The following FUT8 variants were observed in gnomAD, a reference collection of about 807,000 sequenced individuals.
FUT8 encodes alpha-(1,6)-fucosyltransferase.
A neutral mutation model predicts 71.3 loss-of-function variants in FUT8; 29 were observed. That is an observed-to-expected ratio of 0.41 (90% confidence interval 0.30 to 0.55). FUT8 has a LOEUF of 0.55. Among genes scored for constraint, FUT8 ranks in the 20% least tolerant of loss-of-function variants. The pLI, the probability that FUT8 is intolerant of heterozygous loss-of-function variation, is 0.34. For synonymous variants in FUT8, 254 were observed against 239.3 expected, an observed-to-expected ratio of 1.06 and a Z score of -0.57; for missense variants, 544 against 702.1, an observed-to-expected ratio of 0.77 and a Z score of 2.55.
the FUT8 span, among the ~76,000 whole-genome samples, chr14:65,362,236 C>T: frequency 4.6e-5 from 7 of 152,144 alleles, no homozygotes; most frequent in South Asian, 4.1e-4. Flanking sequence ...TGAAATAGTC[C>T]CTGTCAACAA....
At chr14:65,666,084 T>A (rs577595811) in intron 6 of FUT8, among the ~76,000 whole-genome samples, 46 of 147,514 alleles carry the variant, frequency 3.1e-4, no homozygotes, top group Admixed American at 6.8e-4. Flanking sequence ...ACTTAAAATT[T>A]AAAAAAAAAA....
At chr14:65,420,688 G>A (rs1289910994) in intron 1 of FUT8, among the ~76,000 whole-genome samples, 5 of 151,914 alleles carry the variant, frequency 3.3e-5, no homozygotes, top group Admixed American at 6.6e-5. Flanking sequence ...TTTTCAGCAC[G>A]TATAGTTCAC....
At chr14:65,634,511 T>C (rs1008031931) in intron 6 of FUT8, among the ~76,000 whole-genome samples, 14 of 146,734 alleles carry the variant, frequency 9.5e-5, no homozygotes, top group African/African-American at 3.5e-4. Context: ...ACTATTGTCC[T>C]ATGACCCTGC....
At chr14:65,592,175 T>G (rs1486295287) in intron 3 of FUT8, among the ~76,000 whole-genome samples, 1 of 152,160 alleles carries the variant, frequency 6.6e-6, no homozygotes, top group Non-Finnish European at 1.5e-5. Context: ...TTTGGATATA[T>G]ATGAGAGCTT....
intron 2 of FUT8, among the ~76,000 whole-genome samples, chr14:65,527,216 T>C (rs1350184562): frequency 6.6e-6 from 1 of 152,242 alleles, no homozygotes; most frequent in Admixed American, 6.5e-5. Flanking sequence ...GACGTAGATT[T>C]GGTCTTTTCA....
At chr14:65,516,873 C>T (rs1322405778) in intron 2 of FUT8, among the ~76,000 whole-genome samples, 3 of 151,440 alleles carry the variant, frequency 2.0e-5, no homozygotes, top group Admixed American at 6.6e-5. Flanking sequence ...AATAATTCCC[C>T]GTTACTTATT....
intron 3 of FUT8, among the ~76,000 whole-genome samples, chr14:65,582,231 T>C (rs1281001682): frequency 2.6e-5 from 4 of 152,206 alleles, no homozygotes; most frequent in African/African-American, 7.2e-5. Context: ...CTATTTGTGA[T>C]GAACACATGA....
At chr14:65,420,220 A>G (rs960605035) in intron 1 of FUT8, among the ~76,000 whole-genome samples, 1 of 152,156 alleles carries the variant, frequency 6.6e-6, no homozygotes. Context: ...AAAGAAGTCT[A>G]TTTTGGAGAA....
At position 65,517,330 on chromosome 14, in the gene FUT8, A is replaced by G. The variant is rs1353052936; in HGVS notation, c.-227-44007A>G. Among the ~76,000 whole-genome samples, 9 of 152,302 alleles carry G rather than the reference A, an allele frequency of 5.9e-5. No individual in the cohort carries two copies. In the East Asian group the frequency reaches 1.5e-3, roughly 26 times the overall value. On this transcript the variant is annotated intron_variant, in intron 2 of 10. Coordinates refer to ENST00000673929, the MANE Select transcript of FUT8 (RefSeq NM_001371533.1). Reference sequence around the variant, plus strand: ...ATTGAATACCTTGTATATTGTAAGTATTGTGGGGGTATAAAGAGTTACAAT... The same window carrying G: ...ATTGAATACCTTGTATATTGTAAGTGTTGTGGGGGTATAAAGAGTTACAAT...
chr14:65,500,890 T>C (rs1013900438), intron 2 of FUT8, among the ~76,000 whole-genome samples: 6 of 152,240 alleles, frequency 3.9e-5, no homozygotes, highest in African/African-American at 1.2e-4. Flanking sequence ...AAAATGTGTT[T>C]TATGCCATGA....
chr14:65,571,901 TAAACTC>T (rs1886497728), intron 3 of FUT8, among the ~76,000 whole-genome samples: 1 of 152,142 alleles, frequency 6.6e-6, no homozygotes, highest in Non-Finnish European at 1.5e-5. Context: ...TAACCCCACT[TAAACTC>T]AATATATGAA....
rs765063403 is a variant in FUT8 at position 65,424,534 on chromosome 14, CTTTTCTTTTTTTTT to C, written c.-326+11325_-326+11338del. ...ACCTCTTACTTTCTATTTTTCTTTT[CTTTTCTTTTTTTTT>C]TTTTTTTTTGATGAAGTCTCATTCT... On this transcript the variant is annotated intron_variant, in intron 1 of 10. Coordinates refer to ENST00000673929, the MANE Select transcript of FUT8 (RefSeq NM_001371533.1). Among the ~76,000 whole-genome samples, 12 of 133,862 alleles carry C rather than the reference CTTTTCTTTTTTTTT, an allele frequency of 9.0e-5. No individual in the cohort carries two copies. In the East Asian group the frequency reaches 1.5e-3, roughly 17 times the overall value. The allele number at this position is 133,862 out of a possible 152,430, so 87.8% of individuals were successfully genotyped here.
chr14:65,706,965 A>T (rs1027248769), intron 7 of FUT8, among the ~76,000 whole-genome samples: 1 of 152,314 alleles, frequency 6.6e-6, no homozygotes, highest in Admixed American at 6.5e-5. Context: ...TGATTTTTAC[A>T]TATGAAACGT....
At chr14:65,710,337 ATTTC>A (rs1894752028) in intron 7 of FUT8, among the ~76,000 whole-genome samples, 1 of 152,172 alleles carries the variant, frequency 6.6e-6, no homozygotes. Context: ...TATTTGTGAG[ATTTC>A]TTTTAGATTA....
At chr14:65,631,144 G>A (rs1890161391) in intron 6 of FUT8, among the ~76,000 whole-genome samples, 1 of 152,202 alleles carries the variant, frequency 6.6e-6, no homozygotes, top group African/African-American at 2.4e-5. Context: ...TAGGGAAGAG[G>A]TAATTATCTC....
chr14:65,363,172 T>G, the FUT8 span, among the ~76,000 whole-genome samples: 1 of 152,098 alleles, frequency 6.6e-6, no homozygotes, highest in East Asian at 1.9e-4. Flanking sequence ...CCTAGGCTGG[T>G]GTACAGTGGT....
chr14:65,664,185 A>T (rs1892099241), intron 6 of FUT8, among the ~76,000 whole-genome samples: 1 of 152,150 alleles, frequency 6.6e-6, no homozygotes, highest in South Asian at 2.1e-4. Context: ...AAAATCTGAC[A>T]AATGTCACTG....
At chr14:65,563,542 T>A (rs1262231173) in intron 3 of FUT8, among the ~76,000 whole-genome samples, 1 of 151,994 alleles carries the variant, frequency 6.6e-6, no homozygotes, top group Non-Finnish European at 1.5e-5. Context: ...GACCTAAACA[T>A]CTTAGGTATG....
In FUT8 at chr14:65,525,939, A is replaced by G. The variant is rs562029803; in HGVS notation, c.-227-35398A>G. ...GTGGTCTGAGAGACAGTTTGTTATA[A>G]TTTCTGTTCTTTTACATTTCCTGAG... is the stretch of plus-strand genomic sequence containing the variant. On this transcript the variant is annotated intron_variant, in intron 2 of 10. Transcript: ENST00000673929. Among the ~76,000 whole-genome samples, 12 of 152,228 alleles carry G rather than the reference A, an allele frequency of 7.9e-5. 1 individual carries two copies. The East Asian group carries it at 2.3e-3, about 29-fold the overall frequency.
Sources: gnomAD v4.1 joint callset for allele counts (sites outside exome capture counted in the v4.1 genomes callset) on GRCh38, gnomAD v4.1.1 for gene constraint, MANE v1.5 for transcripts, NCBI Gene and HGNC (gene_info 2026-07-23, HGNC 2026-07-21) for gene names.